MAGI2: variants seen among roughly 807,000 people sequenced by gnomAD.
MAGI2 encodes membrane associated guanylate kinase, WW and PDZ domain containing 2.
Under a neutral mutation model 133.3 loss-of-function variants are expected in MAGI2, and 35 were observed. The ratio of observed to expected loss-of-function variants is 0.26; its 90% CI spans 0.20 to 0.35. The LOEUF is 0.35. Ranked by LOEUF, MAGI2 falls within the 10% of genes least tolerant of loss-of-function variation. The pLI is 1.00. For missense variants in MAGI2, 1,636 were observed against 1,863.4 expected (o/e 0.88, Z 2.25); for synonymous variants, 729 against 710.6 (o/e 1.03, Z -0.41).
At chr7:79,034,685 G>C (rs368632964) in intron 1 of MAGI2, among the ~76,000 whole-genome samples, 18 of 148,836 alleles carry the variant, frequency 1.2e-4, no homozygotes, top group African/African-American at 4.4e-4. Context: ...TGCCTCACCT[G>C]TCAATTAGCC....
intron 1 of MAGI2, among the ~76,000 whole-genome samples, chr7:79,253,765 T>G (rs1458125490): frequency 6.6e-6 from 1 of 152,156 alleles, no homozygotes; most frequent in Non-Finnish European, 1.5e-5. Flanking sequence ...TCTAACTCCT[T>G]TTCCTCTCCC....
At chr7:78,450,182 A>C (rs1308182053) in intron 6 of MAGI2, among the ~76,000 whole-genome samples, 1 of 152,028 alleles carries the variant, frequency 6.6e-6, no homozygotes, top group Non-Finnish European at 1.5e-5. Flanking sequence ...AAATCATACT[A>C]GTATGAGGGC....
intron 3 of MAGI2, among the ~76,000 whole-genome samples, chr7:78,621,932 G>A (rs1563254824): frequency 6.6e-6 from 1 of 152,016 alleles, no homozygotes; most frequent in Admixed American, 6.6e-5. Flanking sequence ...TTTTTCGGAT[G>A]AGTGTTTCCT....
At chr7:78,129,935 CAAAAAAAA>C (rs61675652) in intron 18 of MAGI2, among the ~76,000 whole-genome samples, 14 of 57,160 alleles carry the variant, frequency 2.4e-4, no homozygotes, top group African/African-American at 7.7e-4. Flanking sequence ...AACTCCGCCT[CAAAAAAAA>C]AAAAAAAAAA....
At chr7:79,349,611 T>A (rs552451212) in intron 1 of MAGI2, among the ~76,000 whole-genome samples, 2 of 152,132 alleles carry the variant, frequency 1.3e-5, no homozygotes, top group Middle Eastern at 3.4e-3. Flanking sequence ...CAAGGTCCCA[T>A]GGCTTAAAAG....
chr7:78,246,283 T>A (rs891540424), intron 10 of MAGI2, among the ~76,000 whole-genome samples: 3 of 151,996 alleles, frequency 2.0e-5, no homozygotes, highest in Non-Finnish European at 2.9e-5. Context: ...AGTGCCTGAG[T>A]TGAAGATGTG....
chr7:78,340,057 C>T (rs1279261232), intron 9 of MAGI2, among the ~76,000 whole-genome samples: 3 of 151,974 alleles, frequency 2.0e-5, no homozygotes, highest in African/African-American at 7.3e-5. Flanking sequence ...CTTTAAAACC[C>T]ATGGAAGAAC....
At chr7:79,237,641 A>G (rs1409037250) in intron 1 of MAGI2, among the ~76,000 whole-genome samples, 1 of 152,140 alleles carries the variant, frequency 6.6e-6, no homozygotes, top group Non-Finnish European at 1.5e-5. Context: ...GCCAACACTC[A>G]CAGTTGGAGT....
chr7:78,445,862 C>G (rs1398908667), intron 6 of MAGI2, among the ~76,000 whole-genome samples: 1 of 151,854 alleles, frequency 6.6e-6, no homozygotes, highest in East Asian at 1.9e-4. Flanking sequence ...GTATCTTCTT[C>G]ATACAATTTT....
intron 16 of MAGI2, among the ~76,000 whole-genome samples, chr7:78,147,147 G>A (rs1169269976): frequency 1.3e-5 from 2 of 152,182 alleles, no homozygotes; most frequent in African/African-American, 4.8e-5. Context: ...TATACAGTAT[G>A]TTTTAACCTG....
chr7:78,733,509 T>C (rs1420838818), intron 2 of MAGI2, among the ~76,000 whole-genome samples: 1 of 152,244 alleles, frequency 6.6e-6, no homozygotes. Context: ...AATATTGTAA[T>C]AGAATCATTC....
chr7:78,521,472 C>T lies in MAGI2; in HGVS notation c.712G>A (p.Glu238Lys). The T allele has an allele frequency of 6.2e-7, 1 of 1,614,132 alleles. No homozygotes were observed. Among genetic ancestry groups the T allele is most frequent in the Admixed American group, 1.7e-5 (1 of 60,020 alleles). ...SIEPPEEEEE[E>K]RPVVNGNGVV... ...CCATTTCCATTGACCACAGGCCTCT[C>T]TTCCTCTTCCTCCTCAGGAGGCTCT... The change falls in exon 4 of 22, where the codon GAG (glutamate) becomes AAG (lysine). Residue 238 changes from glutamate (E) to lysine (K), a missense_variant. By Grantham distance (56) the Glu-to-Lys change is moderately conservative. This residue lies in a region of MAGI2 where 165 missense variants were observed against 128.4 expected (regional missense o/e 1.28). Coordinates refer to ENST00000354212, the MANE Select transcript of MAGI2 (RefSeq NM_012301.4).
chr7:78,547,094 T>C (rs1184531494), intron 3 of MAGI2, among the ~76,000 whole-genome samples: 1 of 152,170 alleles, frequency 6.6e-6, no homozygotes, highest in Non-Finnish European at 1.5e-5. Context: ...GAAACCAATT[T>C]TACTACAGGC....
intron 1 of MAGI2, among the ~76,000 whole-genome samples, chr7:79,049,260 AAATT>A (rs1812461411): frequency 6.6e-6 from 1 of 152,230 alleles, no homozygotes; most frequent in African/African-American, 2.4e-5. Context: ...AGGAAATCAA[AAATT>A]AATTAATAAG....
chr7:78,550,689 T>C (rs1228131841), intron 3 of MAGI2, among the ~76,000 whole-genome samples: 2 of 152,198 alleles, frequency 1.3e-5, no homozygotes, highest in Non-Finnish European at 2.9e-5. Flanking sequence ...GTTTTTTACA[T>C]TAATGTCATA....
chr7:79,186,217 T>TATATAC (rs1827098310), intron 1 of MAGI2, among the ~76,000 whole-genome samples: 1 of 26,404 alleles, frequency 3.8e-5, no homozygotes, highest in Admixed American at 5.9e-4. Flanking sequence ...TATATATATA[T>TATATAC]ATATATATAT....
At chr7:78,714,952 G>A (rs1819560092) in intron 2 of MAGI2, among the ~76,000 whole-genome samples, 1 of 152,166 alleles carries the variant, frequency 6.6e-6, no homozygotes, top group African/African-American at 2.4e-5. Context: ...CATGACTAAA[G>A]CGCTAGAGTT....
chr7:78,278,641 T>C (rs918326568), intron 9 of MAGI2, among the ~76,000 whole-genome samples: 5 of 152,186 alleles, frequency 3.3e-5, no homozygotes, highest in Admixed American at 1.3e-4. Context: ...TACAATTAAC[T>C]GACTTTAAGT....
chr7:79,263,308 T>C (rs549557625), intron 1 of MAGI2, among the ~76,000 whole-genome samples: 1 of 152,214 alleles, frequency 6.6e-6, no homozygotes, highest in African/African-American at 2.4e-5. Context: ...CCCTCTGAGG[T>C]AGGCACTATA....
Sources: gnomAD v4.1 joint callset for allele counts (sites outside exome capture counted in the v4.1 genomes callset) on GRCh38, gnomAD v4.1.1 for gene constraint, gnomAD v4.1.1 regional missense constraint, MANE v1.5 for transcripts, NCBI Gene and HGNC (gene_info 2026-07-23, HGNC 2026-07-21) for gene names.